MECOM: variants seen among roughly 807,000 people sequenced by gnomAD.
The protein encoded by MECOM is histone-lysine N-methyltransferase MECOM.
MECOM carries 13 observed loss-of-function variants against 116.3 expected under a neutral mutation model. The ratio of observed to expected loss-of-function variants is 0.11; its 90% CI spans 0.07 to 0.18. MECOM has a LOEUF of 0.18. MECOM is among the 10% of genes least tolerant of loss of function. The pLI, the probability that MECOM is intolerant of heterozygous loss-of-function variation, is 1.00. For missense variants in MECOM, 1,299 were observed against 1,509.0 expected (o/e 0.86, Z 2.31); for synonymous variants, 528 against 535.2 (o/e 0.99, Z 0.19).
rs754097119 is a variant in MECOM, at chr3:169,127,989, T to G, written c.685A>C (p.Lys229Gln). Residue 229 changes from lysine to glutamine, a missense_variant, in exon 5 of 17, where the codon AAG (lysine) becomes CAG (glutamine). By Grantham distance (53) the Lys-to-Gln change is moderately conservative. Around this residue, in one of 6 missense-constraint regions of MECOM, gnomAD observed 374 missense variants for 433.4 expected, o/e 0.86. Coordinates refer to ENST00000651503, the MANE Select transcript of MECOM (RefSeq NM_004991.4). ...GAGTGAGGAGTACTGCATGGAAACTTTTGGTGATCTGCTAGTTCAGCCTTA... is the reference window on the plus strand; with the variant it reads ...GAGTGAGGAGTACTGCATGGAAACTGTTGGTGATCTGCTAGTTCAGCCTTA... Reference protein sequence around the residue: ...ESKAELADHQKFPCSTPHSAF... With the variant: ...ESKAELADHQQFPCSTPHSAF... The G allele has an allele frequency of 2.5e-6, 4 of 1,613,948 alleles. No individual in the cohort carries two copies. In the African/African-American group the frequency reaches 4.0e-5, roughly 16 times the overall value.
chr3:169,446,764 C>A (rs1744700292), intron 1 of MECOM, among the ~76,000 whole-genome samples: 1 of 152,178 alleles, frequency 6.6e-6, no homozygotes, highest in Admixed American at 6.5e-5. Flanking sequence ...TTCTCATGAT[C>A]ATATACCTGG....
chr3:169,595,131 G>T (rs1489997748), intron 1 of MECOM, among the ~76,000 whole-genome samples: 1 of 151,996 alleles, frequency 6.6e-6, no homozygotes, highest in Non-Finnish European at 1.5e-5. Context: ...AATGCTTAAT[G>T]GTATCTGCCC....
At chr3:169,495,257 G>A (rs1318002269) in intron 1 of MECOM, among the ~76,000 whole-genome samples, 2 of 152,134 alleles carry the variant, frequency 1.3e-5, no homozygotes, top group African/African-American at 4.8e-5. Context: ...ATAAGCCTGG[G>A]TAGTGAAAAA....
At chr3:169,093,251 T>C (rs1005862564) in intron 13 of MECOM, 149 bp from the exon 14 acceptor site, 9 of 812,148 alleles carry the variant, frequency 1.1e-5, no homozygotes, top group Non-Finnish European at 1.7e-5. Context: ...AGTCAAAGTC[T>C]CCCCAGTTTA....
intron 5 of MECOM, among the ~76,000 whole-genome samples, chr3:169,124,420 G>T (rs1490566431): frequency 6.6e-6 from 1 of 151,938 alleles, no homozygotes; most frequent in African/African-American, 2.4e-5. Context: ...GCCCTCTGGG[G>T]GAGCCTTTAG....
intron 2 of MECOM, among the ~76,000 whole-genome samples, chr3:169,358,335 A>C (rs1727622785): frequency 6.6e-6 from 1 of 151,772 alleles, no homozygotes. Context: ...CAAAGGACTT[A>C]TATTAAATAG....
At chr3:169,194,181 G>T (rs1355507496) in intron 2 of MECOM, among the ~76,000 whole-genome samples, 1 of 151,904 alleles carries the variant, frequency 6.6e-6, no homozygotes, top group African/African-American at 2.4e-5. Flanking sequence ...GACCAACAAG[G>T]TACCTTCTCT....
chr3:169,133,336 A>G (rs1389148921), intron 3 of MECOM: 1 of 152,200 alleles, frequency 6.6e-6, no homozygotes, highest in African/African-American at 2.4e-5. Context: ...GAAAGATGAG[A>G]ACTTTGTACG....
chr3:169,404,886 A>T (rs1185209868), intron 1 of MECOM, among the ~76,000 whole-genome samples: 1 of 152,198 alleles, frequency 6.6e-6, no homozygotes, highest in Non-Finnish European at 1.5e-5. Flanking sequence ...GAAACCTCCC[A>T]TTCCCCTTGT....
intron 2 of MECOM, among the ~76,000 whole-genome samples, chr3:169,278,475 C>T (rs1271045370): frequency 1.3e-5 from 2 of 152,196 alleles, no homozygotes; most frequent in African/African-American, 4.8e-5. Flanking sequence ...AACTTGGTGG[C>T]TTCCAAATTT....
rs549817097 is a variant in MECOM, at chr3:169,318,817, G to A, written c.375+62370C>T. ...CATTCTACTATAAAGACACATGCAG[G>A]GCTGGGCACAATGGCTCATGTCTGT... is the stretch of plus-strand genomic sequence containing the variant. On this transcript the variant is annotated intron_variant, in intron 2 of 16. Coordinates refer to ENST00000651503, the MANE Select transcript of MECOM (RefSeq NM_004991.4). 3.3e-5 allele frequency among the ~76,000 whole-genome samples: 5 copies of A among 151,900 alleles called. No homozygotes were observed. In the East Asian group the frequency reaches 7.8e-4, roughly 24 times the overall value.
intron 2 of MECOM, among the ~76,000 whole-genome samples, chr3:169,214,417 C>T (rs1452702414): frequency 1.4e-5 from 2 of 146,870 alleles, no homozygotes; most frequent in Non-Finnish European, 3.0e-5. Context: ...TAATGGAGCC[C>T]AGGAGTGTTT....
chr3:169,340,444 T>C (rs1245399019), intron 2 of MECOM, among the ~76,000 whole-genome samples: 3 of 152,216 alleles, frequency 2.0e-5, no homozygotes, highest in African/African-American at 7.2e-5. Context: ...GCTGTGGATT[T>C]CAAGTTAGAT....
intron 1 of MECOM, among the ~76,000 whole-genome samples, chr3:169,637,032 T>C (rs1451799082): frequency 1.3e-5 from 2 of 152,118 alleles, no homozygotes; most frequent in Non-Finnish European, 2.9e-5. Flanking sequence ...ATTTGACCTA[T>C]AGAATATAGC....
chr3:169,649,795 C>G (rs1318503500), intron 1 of MECOM, among the ~76,000 whole-genome samples: 1 of 152,090 alleles, frequency 6.6e-6, no homozygotes, highest in East Asian at 1.9e-4. Context: ...ATTAAAATTG[C>G]AAAGTAAATT....
chr3:169,610,626 C>T (rs1165233642), intron 1 of MECOM, among the ~76,000 whole-genome samples: 1 of 152,076 alleles, frequency 6.6e-6, no homozygotes, highest in African/African-American at 2.4e-5. Context: ...TATTTCTGGA[C>T]ACCAGAAACA....
At chr3:169,354,220 C>T (rs1435208760) in intron 2 of MECOM, among the ~76,000 whole-genome samples, 1 of 151,820 alleles carries the variant, frequency 6.6e-6, no homozygotes, top group East Asian at 2.0e-4. Context: ...AAATCTCAAA[C>T]CCCAGTAAAT....
At chr3:169,185,142 T>G (rs577514205) in intron 2 of MECOM, among the ~76,000 whole-genome samples, 1 of 152,274 alleles carries the variant, frequency 6.6e-6, no homozygotes, top group East Asian at 1.9e-4. Context: ...GTTTAGAGCC[T>G]ACGATAATGA....
intron 1 of MECOM, among the ~76,000 whole-genome samples, chr3:169,514,629 G>C (rs1042381256): frequency 6.6e-6 from 1 of 152,180 alleles, no homozygotes; most frequent in Non-Finnish European, 1.5e-5. Flanking sequence ...ATTTTAAACA[G>C]TGCTAGATTT....
Sources: allele counts gnomAD v4.1 joint callset (sites outside exome capture counted in the v4.1 genomes callset), GRCh38; gene constraint gnomAD v4.1.1; regional missense constraint gnomAD v4.1.1; transcripts MANE v1.5; gene names NCBI Gene and HGNC (gene_info 2026-07-23, HGNC 2026-07-21).